GGT1: variants seen among roughly 807,000 people sequenced by gnomAD.
GGT1 encodes gamma-glutamyltransferase 1, also known as glutathione hydrolase 1 proenzyme.
Under a neutral mutation model 56.0 loss-of-function variants are expected in GGT1, and 21 were observed. The ratio of observed to expected loss-of-function variants is 0.38; its 90% CI spans 0.27 to 0.54. GGT1 has a LOEUF of 0.54. Among genes scored for constraint, GGT1 ranks in the 20% least tolerant of loss-of-function variants. The pLI is 0.82. For missense variants in GGT1, 466 were observed against 787.0 expected, an observed-to-expected ratio of 0.59 and a Z score of 4.88; for synonymous variants, 238 against 342.6, an observed-to-expected ratio of 0.69 and a Z score of 3.37.
intron 9 of GGT1, among the ~76,000 whole-genome samples, chr22:24,622,775 CCA>C (rs936868812): frequency 6.6e-6 from 1 of 152,008 alleles, no homozygotes; most frequent in Non-Finnish European, 1.5e-5. Context: ...CACTCTGTGG[CCA>C]CAGATGAGAG....
At chr22:24,607,814 TC>T in intron 1 of GGT1, 139 bp from the exon 2 acceptor site, 1 of 334,370 alleles carries the variant, frequency 3.0e-6, no homozygotes, top group Non-Finnish European at 6.2e-6. Context: ...CAGATCCCAG[TC>T]CCAATTCGGA....
intron 2 of GGT1, among the ~76,000 whole-genome samples, chr22:24,608,334 C>G (rs1295566052): frequency 6.6e-6 from 1 of 152,234 alleles, no homozygotes; most frequent in African/African-American, 2.4e-5. Flanking sequence ...TACTCCCCTC[C>G]CTGTTCTTCC....
rs1569047737 is a variant in GGT1, at chr22:24,605,099, G to GTAATA, written c.-429+1574_-429+1575insATATA. Among the ~76,000 whole-genome samples the GTAATA allele has an allele frequency of 4.0e-4, 9 of 22,552 alleles. 3 individuals are homozygous for GTAATA. In the South Asian group the frequency reaches 7.1e-3, roughly 18 times the overall value. 14.8% of individuals were successfully genotyped at this position (22,552 alleles called of 152,430 possible). A position where few individuals can be genotyped will look rare whatever the true frequency, so the allele number is the denominator to read the frequency against. On this transcript the variant is annotated intron_variant, in intron 1 of 15. Transcript: ENST00000400382. ...ATATATAAAGTATATTATATAATAT[G>GTAATA]TATTATATTATATATTATATAATAT...
rs1455656859 is a variant in GGT1 at position 24,620,133 on chromosome 22, T to C, written c.383-195T>C. Reference sequence around the variant, plus strand: ...CAGGAGGCTGAGGTGGGAGGATCGCTTGAATCCAGGAGTTCGAGATCGGGC... The same window carrying C: ...CAGGAGGCTGAGGTGGGAGGATCGCCTGAATCCAGGAGTTCGAGATCGGGC... On this transcript the variant is annotated intron_variant, in intron 7 of 15. Coordinates refer to ENST00000400382, the MANE Select transcript of GGT1 (RefSeq NM_001288833.2). The surrounding 1 kb of genome is among the most constrained non-coding windows in gnomAD (Gnocchi z 5.6). Among the ~76,000 whole-genome samples the C allele has an allele frequency of 2.0e-5, 3 of 152,100 alleles. No homozygotes were observed. The highest frequency in any genetic ancestry group is 7.2e-5 in the African/African-American group (3 of 41,414).
chr22:24,584,463 C>A, the GGT1 span, among the ~76,000 whole-genome samples: 1 of 152,042 alleles, frequency 6.6e-6, no homozygotes, highest in East Asian at 1.9e-4. Context: ...GTCCTGGGAC[C>A]CAACACCATC....
In GGT1 at chr22:24,620,728, G is replaced by C; in HGVS notation, c.576-185G>C. 1 of 1,459,356 alleles carries C rather than the reference G, an allele frequency of 6.9e-7. No homozygotes were observed. Among genetic ancestry groups the C allele is most frequent in the African/African-American group, 1.4e-5 (1 of 70,206 alleles). The allele number at this position is 1,459,356 out of a possible 1,614,324, so 90.4% of individuals were successfully genotyped here. A position where few individuals can be genotyped will look rare whatever the true frequency, so the allele number is the denominator to read the frequency against. On this transcript the variant is annotated intron_variant, in intron 8 of 15. Coordinates refer to ENST00000400382, the MANE Select transcript of GGT1 (RefSeq NM_001288833.2). This position sits in a 1 kb window ranked among gnomAD's most constrained non-coding sequence, Gnocchi z 5.6. ...CACTGTGGCTGGCCATGTGTCCTGA[G>C]TGGCAAGGGACACTAGGAAGCTCCC...
In GGT1 at chr22:24,620,050, A is replaced by T. The variant is rs1326528919; in HGVS notation, c.383-278A>T. Among the ~76,000 whole-genome samples, 39 of 152,108 alleles carry T rather than the reference A, an allele frequency of 2.6e-4. No individual in the cohort carries two copies. Among genetic ancestry groups the T allele is most frequent in the African/African-American group, 8.7e-4 (36 of 41,506 alleles). ...ACAATTAAAATTAAAAAATAAATTTAAAAATTAAAAATCCCCTTCTGCTAG... is the reference window on the plus strand; with the variant it reads ...ACAATTAAAATTAAAAAATAAATTTTAAAATTAAAAATCCCCTTCTGCTAG... On this transcript the variant is annotated intron_variant, in intron 7 of 15. Transcript: ENST00000400382. The surrounding 1 kb of genome is among the most constrained non-coding windows in gnomAD (Gnocchi z 5.6).
chr22:24,592,280 G>C, upstream of GGT1: 1 of 467,122 alleles, frequency 2.1e-6, no homozygotes, highest in Non-Finnish European at 4.4e-6. Flanking sequence ...TGCTGGGGAT[G>C]TGTACTCTAA....
intron 1 of GGT1, among the ~76,000 whole-genome samples, chr22:24,596,261 A>G (rs1569042238): frequency 2.0e-5 from 3 of 152,232 alleles, no homozygotes; most frequent in African/African-American, 4.8e-5. Flanking sequence ...TTAAAGCAAC[A>G]GAATAGTTCT....
the GGT1 span, chr22:24,589,784 C>G: frequency 6.3e-7 from 1 of 1,583,862 alleles, no homozygotes; most frequent in Non-Finnish European, 8.6e-7. Context: ...CTGTCCACCA[C>G]AGTGCCCAGC....
upstream of GGT1, chr22:24,593,121 C>T: frequency 9.8e-7 from 1 of 1,017,500 alleles, no homozygotes; most frequent in Non-Finnish European, 1.2e-6. Flanking sequence ...AGTCGCCCCG[C>T]CTCCAATCAC....
intron 1 of GGT1, 28 bp from the exon 2 acceptor site, chr22:24,607,926 G>A (rs1294804851): frequency 8.6e-6 from 4 of 464,168 alleles, no homozygotes; most frequent in Non-Finnish European, 1.8e-5. Context: ...ACTTTCCCAG[G>A]CAGACAAGTC....
upstream of GGT1, among the ~76,000 whole-genome samples, chr22:24,598,817 C>T (rs373407770): frequency 9.9e-5 from 15 of 151,746 alleles, no homozygotes; most frequent in African/African-American, 3.4e-4. Flanking sequence ...CCTCCCAAAG[C>T]GCTGGGATTA....
In GGT1 at chr22:24,628,218, G is replaced by A. The variant is rs1217662762; in HGVS notation, c.1449+25G>A. On this transcript the variant is annotated intron_variant, in intron 14 of 15. Coordinates refer to ENST00000400382, the MANE Select transcript of GGT1 (RefSeq NM_001288833.2). The surrounding 1 kb of genome is among the most constrained non-coding windows in gnomAD (Gnocchi z 5.7). ...GGTATGTGTCACACCTTTTCTCCCT[G>A]GCCGTGCCCACCCTGCACAGCCCCC... is the stretch of plus-strand genomic sequence containing the variant. 20 of 1,611,968 alleles carry A rather than the reference G, an allele frequency of 1.2e-5. 1 individual carries two copies. The highest frequency in any genetic ancestry group is 1.6e-5 in the Non-Finnish European group (19 of 1,179,848).
Position 24,628,464 on chromosome 22 carries a change from C to G in GGT1, c.1563+76C>G, listed in dbSNP as rs1601780962. On this transcript the variant is annotated intron_variant, in intron 15 of 15. Coordinates refer to ENST00000400382, the MANE Select transcript of GGT1 (RefSeq NM_001288833.2). The surrounding 1 kb of genome is among the most constrained non-coding windows in gnomAD (Gnocchi z 5.7). ...CCTGGGCTGGAGGCCTGGATCATCA[C>G]AGAGTGGACAATGGTTGGTGTCCTC... 5.6e-6 allele frequency: 9 copies of G among 1,594,324 alleles called. No individual in the cohort carries two copies. The South Asian group carries it at 9.9e-5, about 18-fold the overall frequency.
At chr22:24,605,036 A>ATATATATATATATATATATAT (rs752986628) in intron 1 of GGT1, among the ~76,000 whole-genome samples, 1 of 71,158 alleles carries the variant, frequency 1.4e-5, no homozygotes, top group African/African-American at 7.9e-5. Flanking sequence ...ATATATATAT[A>ATATATATATATATATATATAT]AAATATGTAA....
At chr22:24,614,660 C>T in intron 5 of GGT1, 116 bp from the exon 6 acceptor site, 1 of 910,980 alleles carries the variant, frequency 1.1e-6, no homozygotes, top group Non-Finnish European at 1.7e-6. Flanking sequence ...ACAAAAACCC[C>T]AAAACTCGAA....
chr22:24,586,501 C>A, the GGT1 span: 2 of 1,351,918 alleles, frequency 1.5e-6, no homozygotes, highest in Admixed American at 4.4e-5. Flanking sequence ...ACAGCCCAGG[C>A]CTACAGTCTG....
Position 24,625,696 on chromosome 22 carries a change from AC to A in GGT1, c.1021-1734del, listed in dbSNP as rs375319126. On this transcript the variant is annotated intron_variant, in intron 11 of 15. Coordinates refer to ENST00000400382, the MANE Select transcript of GGT1 (RefSeq NM_001288833.2). ...AGCTGGGATTACAGGCGCCCGCCACACCGCCCAGCTAATTTTTTGTATTTTT... is the reference window on the plus strand; with the variant it reads ...AGCTGGGATTACAGGCGCCCGCCACACGCCCAGCTAATTTTTTGTATTTTT... Among the ~76,000 whole-genome samples the A allele has an allele frequency of 2.5e-3, 375 of 149,722 alleles. 2 individuals carry two copies. The highest frequency in any genetic ancestry group is 8.6e-3 in the African/African-American group (350 of 40,646).
Sources: allele counts gnomAD v4.1 joint callset (sites outside exome capture counted in the v4.1 genomes callset), GRCh38; gene constraint gnomAD v4.1.1; non-coding constraint Gnocchi (gnomAD v3.1); transcripts MANE v1.5; gene names NCBI Gene and HGNC (gene_info 2026-07-23, HGNC 2026-07-21).